UVRAG: variants seen among roughly 807,000 people sequenced by gnomAD.
UVRAG encodes the protein UV radiation resistance associated, also known as UV radiation resistance-associated gene protein.
A neutral mutation model predicts 78.0 loss-of-function variants in UVRAG; 19 were observed. The observed-to-expected ratio is 0.24, with a 90% CI of 0.17 to 0.36. The LOEUF is 0.36. Ranked by LOEUF, UVRAG falls within the 10% of genes least tolerant of loss-of-function variation. The pLI, the probability that UVRAG is intolerant of heterozygous loss-of-function variation, is 1.00. For missense variants in UVRAG, 740 were observed against 853.8 expected, an observed-to-expected ratio of 0.87 and a Z score of 1.66; for synonymous variants, 323 against 324.6, an observed-to-expected ratio of 1.00 and a Z score of 0.05.
chr11:75,874,959 C>T (rs7117678), intron 3 of UVRAG, among the ~76,000 whole-genome samples: 239 of 152,250 alleles, frequency 1.6e-3, no homozygotes, highest in African/African-American at 5.6e-3. Flanking sequence ...GTTTGGGTGA[C>T]GGTCTGCTGC....
chr11:75,923,003 CA>C (rs1948012117), intron 6 of UVRAG, among the ~76,000 whole-genome samples: 1 of 138,772 alleles, frequency 7.2e-6, no homozygotes, highest in Non-Finnish European at 1.6e-5. Flanking sequence ...TATATTTTTT[CA>C]TATATATATA....
intron 14 of UVRAG, 131 bp from the exon 15 acceptor site, chr11:76,140,580 T>C (rs1332035116): frequency 1.1e-6 from 1 of 928,588 alleles, no homozygotes; most frequent in Non-Finnish European, 1.5e-6. Flanking sequence ...GCAATAACTA[T>C]TGTCTAAGAT....
chr11:76,115,769 A>AT, intron 13 of UVRAG, 155 bp from the exon 14 acceptor site: 1 of 637,560 alleles, frequency 1.6e-6, no homozygotes, highest in Non-Finnish European at 2.7e-6. Context: ...TATGTCAAAT[A>AT]CCCAGTAAGT....
intron 1 of UVRAG, among the ~76,000 whole-genome samples, chr11:75,828,276 G>T (rs1252958385): frequency 6.6e-6 from 1 of 152,020 alleles, no homozygotes; most frequent in Non-Finnish European, 1.5e-5. Context: ...GCTCTGGAGT[G>T]ATTGGTTGAC....
At chr11:75,854,800 C>T (rs1946250129) in intron 2 of UVRAG, among the ~76,000 whole-genome samples, 1 of 152,202 alleles carries the variant, frequency 6.6e-6, no homozygotes, top group Non-Finnish European at 1.5e-5. Flanking sequence ...AATTTGGCTA[C>T]TATTTGGTTT....
At chr11:75,825,302 C>T (rs191756480) in intron 1 of UVRAG, among the ~76,000 whole-genome samples, 95 of 151,828 alleles carry the variant, frequency 6.3e-4, no homozygotes, top group Non-Finnish European at 7.5e-4. Flanking sequence ...TTAGTAGAGA[C>T]GGGTTTCACC....
At chr11:75,895,478 C>T (rs1180710448) in intron 5 of UVRAG, among the ~76,000 whole-genome samples, 1 of 152,136 alleles carries the variant, frequency 6.6e-6, no homozygotes, top group African/African-American at 2.4e-5. Context: ...GTGTTGGACA[C>T]TACCTAATAC....
chr11:76,035,932 G>T (rs767589640), intron 12 of UVRAG, among the ~76,000 whole-genome samples: 1 of 152,014 alleles, frequency 6.6e-6, no homozygotes, highest in Non-Finnish European at 1.5e-5. Flanking sequence ...TAAATACATT[G>T]CAAGATTCAT....
chr11:75,895,212 G>A (rs1210961951), intron 5 of UVRAG, among the ~76,000 whole-genome samples: 2 of 152,110 alleles, frequency 1.3e-5, no homozygotes, highest in Admixed American at 1.3e-4. Context: ...TTTTACATTA[G>A]CTGTGACCAG....
chr11:76,075,101 TGTGACAC>T (rs1951380174), intron 13 of UVRAG, among the ~76,000 whole-genome samples: 1 of 152,180 alleles, frequency 6.6e-6, no homozygotes, highest in Non-Finnish European at 1.5e-5. Context: ...GCCAAATGTA[TGTGACAC>T]ATGAGAAGAA....
intron 14 of UVRAG, among the ~76,000 whole-genome samples, chr11:76,126,098 T>C (rs570297847): frequency 3.5e-4 from 53 of 150,028 alleles, no homozygotes; most frequent in Admixed American, 9.2e-4. Context: ...CACAGGCGCA[T>C]GCCACCTCAC....
chr11:76,020,244 GGACCAGGACAC>G (rs1950218780), intron 12 of UVRAG, among the ~76,000 whole-genome samples: 1 of 152,064 alleles, frequency 6.6e-6, no homozygotes, highest in East Asian at 1.9e-4. Context: ...GTTCCCCTCT[GGACCAGGACAC>G]GTCCAGAAAT....
intron 8 of UVRAG, among the ~76,000 whole-genome samples, chr11:75,999,780 ACG>A (rs571050575): frequency 7.4e-4 from 112 of 152,204 alleles, no homozygotes; most frequent in African/African-American, 2.6e-3. Flanking sequence ...AAAATTTAAA[ACG>A]TTTTGGGTGC....
chr11:75,832,567 T>C (rs1350106178), intron 1 of UVRAG, among the ~76,000 whole-genome samples: 1 of 152,230 alleles, frequency 6.6e-6, no homozygotes, highest in Non-Finnish European at 1.5e-5. Context: ...AGCACTTCAA[T>C]GTATCCACCA....
intron 8 of UVRAG, among the ~76,000 whole-genome samples, chr11:76,001,580 A>G (rs997615877): frequency 2.0e-5 from 3 of 152,206 alleles, no homozygotes; most frequent in African/African-American, 7.2e-5. Context: ...AAAGAGAGAA[A>G]ATAAGAATTA....
chr11:76,141,080 C>T lies in UVRAG; in HGVS notation c.1767C>T (p.Leu589=). ...CTAGCCAAGAACAAGGAGAAGCCCT[C>T]TCCGGGCACCGGGCCACAGTCAATG... ...VHPSQEQGEA[L]SGHRATVNGT... is the part of the protein sequence containing the mutation. Residue 589 remains leucine (L), a synonymous_variant, in exon 15 of 15, where the codon CTC becomes CTT. Transcript: ENST00000356136. The T allele has an allele frequency of 6.2e-7, 1 of 1,614,220 alleles. No homozygotes were observed. The highest frequency in any genetic ancestry group is 1.1e-5 in the South Asian group (1 of 91,086).
chr11:75,918,210 CAAA>C (rs67178910), intron 6 of UVRAG, among the ~76,000 whole-genome samples: 23 of 55,552 alleles, frequency 4.1e-4, no homozygotes, highest in African/African-American at 1.0e-3. Context: ...ACTAAAAATA[CAAA>C]AAAAAAAAAA....
intron 1 of UVRAG, among the ~76,000 whole-genome samples, chr11:75,844,476 C>T (rs1007330202): frequency 2.6e-5 from 4 of 152,102 alleles, no homozygotes; most frequent in Non-Finnish European, 4.4e-5. Flanking sequence ...CTGCCTGCCT[C>T]GGCCTCCCAA....
rs575490476 is a variant in UVRAG at position 75,851,664 on chromosome 11, T to G, written c.118-219T>G. Among the ~76,000 whole-genome samples, 4 of 152,340 alleles carry G rather than the reference T, an allele frequency of 2.6e-5. No individual in the cohort carries two copies. The South Asian group carries it at 8.3e-4, about 32-fold the overall frequency. On this transcript the variant is annotated intron_variant, in intron 1 of 14. Transcript: ENST00000356136. The stretch of plus-strand genomic sequence containing the variant: ...AAAAATATTTCATGTCTGTTGTCAC[T>G]TCATTCTCCAACCACCTTGTAAATG...
Sources: gnomAD v4.1 joint callset for allele counts (sites outside exome capture counted in the v4.1 genomes callset) on GRCh38, gnomAD v4.1.1 for gene constraint, MANE v1.5 for transcripts, NCBI Gene and HGNC (gene_info 2026-07-23, HGNC 2026-07-21) for gene names.